Variants in NRXN1 observed in about 807,000 individuals in gnomAD.
NRXN1 encodes the protein neurexin-1.
Under a neutral mutation model 150.9 loss-of-function variants are expected in NRXN1, and 39 were observed. The observed-to-expected ratio is 0.26, with a 90% CI of 0.20 to 0.34. NRXN1 has a LOEUF of 0.34. Among genes scored for constraint, NRXN1 ranks in the 10% least tolerant of loss-of-function variants. The probability of loss-of-function intolerance (pLI) is 1.00; values close to 1 mark genes in which losing one functional copy is unlikely to be tolerated. For synonymous variants in NRXN1, 924 were observed against 757.0 expected, an observed-to-expected ratio of 1.22 and a Z score of -3.62; for missense variants, 1,815 against 1,949.9, an observed-to-expected ratio of 0.93 and a Z score of 1.30.
rs1168622745 is a variant in NRXN1, at chr2:50,780,418, T to C, written c.832+141451A>G. Among the ~76,000 whole-genome samples, 6 of 152,344 alleles carry C rather than the reference T, an allele frequency of 3.9e-5. No homozygotes were observed. The East Asian group carries it at 1.2e-3, about 29-fold the overall frequency. On this transcript the variant is annotated intron_variant, in intron 5 of 22. Coordinates refer to ENST00000401669, the MANE Select transcript of NRXN1 (RefSeq NM_001330078.2). ...TTAATGGTTCCCTGATGTACTATTG[T>C]ATATGTTGCCCATCAGTTTATTTTA...
chr2:50,692,532 G>C (rs770230659), intron 5 of NRXN1, among the ~76,000 whole-genome samples: 26 of 152,148 alleles, frequency 1.7e-4, no homozygotes, highest in Non-Finnish European at 3.2e-4. Flanking sequence ...TCTAATCAGA[G>C]TGTGAAAGCC....
At chr2:50,157,296 T>C (rs895336828) in intron 18 of NRXN1, among the ~76,000 whole-genome samples, 4 of 152,062 alleles carry the variant, frequency 2.6e-5, no homozygotes, top group Non-Finnish European at 5.9e-5. Context: ...GCATTGTATC[T>C]GCGTCTTAAC....
intron 5 of NRXN1, among the ~76,000 whole-genome samples, chr2:50,902,746 T>G (rs189501402): frequency 2.3e-3 from 352 of 152,316 alleles, no homozygotes; most frequent in African/African-American, 8.2e-3. Context: ...TGTGAAAAAG[T>G]TTTTATCTTG....
intron 18 of NRXN1, among the ~76,000 whole-genome samples, chr2:50,121,240 C>T (rs893142225): frequency 1.3e-5 from 2 of 152,098 alleles, no homozygotes; most frequent in Non-Finnish European, 2.9e-5. Context: ...CCAGGCTGGT[C>T]TCGAACTCCT....
At chr2:50,771,913 T>A (rs936902888) in intron 5 of NRXN1, among the ~76,000 whole-genome samples, 2 of 152,072 alleles carry the variant, frequency 1.3e-5, no homozygotes, top group African/African-American at 4.8e-5. Context: ...ACACAAATGA[T>A]AACAAAACAG....
At chr2:50,866,184 A>G (rs770791240) in intron 5 of NRXN1, among the ~76,000 whole-genome samples, 5 of 151,936 alleles carry the variant, frequency 3.3e-5, no homozygotes, top group Non-Finnish European at 2.9e-5. Flanking sequence ...AATATCAATT[A>G]TTAGAGAAAA....
chr2:51,030,561 CACACACACACAGTGTGGGTGTGCGCACAT>C (rs1018078148), intron 1 of NRXN1, among the ~76,000 whole-genome samples: 2 of 151,506 alleles, frequency 1.3e-5, no homozygotes, highest in Non-Finnish European at 2.9e-5. Flanking sequence ...CACACACACA[CACACACACACAGTGTGGGTGTGCGCACAT>C]ACACACTGCC....
intron 17 of NRXN1, among the ~76,000 whole-genome samples, chr2:50,415,774 A>T: frequency 6.6e-6 from 1 of 152,010 alleles, no homozygotes; most frequent in East Asian, 1.9e-4. Flanking sequence ...ATCTTTTTGC[A>T]TTAATTCAAG....
intron 18 of NRXN1, among the ~76,000 whole-genome samples, chr2:50,107,539 A>ATATATATATT (rs59921941): frequency 0.011 from 1,460 of 129,738 alleles, 14 homozygotes; most frequent in African/African-American, 0.023. Flanking sequence ...ATATATATAT[A>ATATATATATT]TTTTTTTTTT....
intron 17 of NRXN1, among the ~76,000 whole-genome samples, chr2:50,424,042 T>C (rs2084235506): frequency 6.6e-6 from 1 of 151,054 alleles, no homozygotes; most frequent in Non-Finnish European, 1.5e-5. Context: ...CAATAAGAAG[T>C]TCATTGAAAT....
chr2:50,940,883 A>T (rs190168080), intron 2 of NRXN1, among the ~76,000 whole-genome samples: 1 of 152,312 alleles, frequency 6.6e-6, no homozygotes, highest in East Asian at 1.9e-4. Context: ...TACAAAAAAG[A>T]AAATCAACAA....
chr2:50,187,242 A>G (rs745378475), intron 18 of NRXN1, among the ~76,000 whole-genome samples: 5 of 152,102 alleles, frequency 3.3e-5, no homozygotes. Context: ...CTGTCATAGC[A>G]GTCTTGACCA....
chr2:50,698,168 T>C (rs1462679760), intron 5 of NRXN1, among the ~76,000 whole-genome samples: 5 of 152,364 alleles, frequency 3.3e-5, no homozygotes, highest in Non-Finnish European at 7.3e-5. Flanking sequence ...CGTACAGCAG[T>C]GCTGGCACTT....
intron 8 of NRXN1, among the ~76,000 whole-genome samples, chr2:50,563,950 G>A (rs1669488869): frequency 6.6e-6 from 1 of 152,170 alleles, no homozygotes; most frequent in African/African-American, 2.4e-5. Flanking sequence ...GACAGCCAAT[G>A]CTGATGATGT....
intron 5 of NRXN1, among the ~76,000 whole-genome samples, chr2:50,774,412 C>T (rs1001217373): frequency 6.6e-6 from 1 of 152,130 alleles, no homozygotes; most frequent in African/African-American, 2.4e-5. Context: ...CTTTAACCTA[C>T]ATTCCCTAAA....
intron 5 of NRXN1, among the ~76,000 whole-genome samples, chr2:50,916,232 C>T (rs1450329672): frequency 6.6e-6 from 1 of 150,616 alleles, no homozygotes; most frequent in Non-Finnish European, 1.5e-5. Context: ...CAAAGTTTTG[C>T]CTATCATAAT....
chr2:50,718,871 CTTCT>C (rs996562512), intron 5 of NRXN1, among the ~76,000 whole-genome samples: 11 of 152,010 alleles, frequency 7.2e-5, no homozygotes, highest in African/African-American at 1.9e-4. Flanking sequence ...TCTCTTCTCC[CTTCT>C]TTCTTTCTTT....
intron 5 of NRXN1, among the ~76,000 whole-genome samples, chr2:50,880,286 T>C (rs1679232362): frequency 6.6e-6 from 1 of 151,996 alleles, no homozygotes; most frequent in Non-Finnish European, 1.5e-5. Context: ...AGGTTATCTC[T>C]TTTGATTTCT....
At chr2:50,321,543 G>A (rs2076039098) in intron 17 of NRXN1, among the ~76,000 whole-genome samples, 1 of 152,120 alleles carries the variant, frequency 6.6e-6, no homozygotes, top group Admixed American at 6.6e-5. Flanking sequence ...GAGAATCAGG[G>A]AGACATAAAG....
Sources: gnomAD v4.1 joint callset for allele counts (sites outside exome capture counted in the v4.1 genomes callset) on GRCh38, gnomAD v4.1.1 for gene constraint, MANE v1.5 for transcripts, NCBI Gene and HGNC (gene_info 2026-07-23, HGNC 2026-07-21) for gene names.